Variants in TOR1AIP2 observed in about 807,000 individuals in gnomAD.
TOR1AIP2 encodes the protein torsin-1A-interacting protein 2.
TOR1AIP2 carries 20 observed loss-of-function variants against 32.6 expected under a neutral mutation model. That is an observed-to-expected ratio of 0.61 (90% CI 0.43 to 0.89). The LOEUF (loss-of-function observed/expected upper bound fraction) is 0.89. Among genes scored for constraint, TOR1AIP2 ranks in the 40% least tolerant of loss-of-function variants. TOR1AIP2 has a pLI of 0.00. For synonymous variants in TOR1AIP2, 214 were observed against 210.8 expected, an observed-to-expected ratio of 1.02 and a Z score of -0.13; for missense variants, 456 against 553.8, an observed-to-expected ratio of 0.82 and a Z score of 1.77.
chr1:179,862,001 GA>G (rs1054006740), intron 3 of TOR1AIP2: 9 of 985,200 alleles, frequency 9.1e-6, no homozygotes, highest in African/African-American at 1.7e-5. Context: ...CACCCGGCAT[GA>G]GGTGTTATTT....
At chr1:179,866,467 C>T (rs950039987) in intron 2 of TOR1AIP2, among the ~76,000 whole-genome samples, 11 of 152,176 alleles carry the variant, frequency 7.2e-5, no homozygotes, top group African/African-American at 2.4e-4. Flanking sequence ...GGCTGGAGTG[C>T]AATGGCACAA....
rs188841700 is a variant in TOR1AIP2, at chr1:179,840,623, T to A, written c.*5448A>T. The A allele has an allele frequency of 6.6e-6, 1 of 151,970 alleles. No individual in the cohort carries two copies. Among genetic ancestry groups the A allele is most frequent in the Non-Finnish European group, 1.5e-5 (1 of 68,036 alleles). The allele number at this position is 151,970 out of a possible 1,614,324, so 9.4% of individuals were successfully genotyped here. The stretch of plus-strand genomic sequence containing the variant: ...TTCTCAGGCCATTTGGATTGGCCTA[T>A]AGAGATACAGAAGTTATAGCACAGT... On this transcript the variant is annotated 3_prime_UTR_variant, in exon 7 of 7. Transcript: ENST00000609928.
intron 3 of TOR1AIP2, chr1:179,861,910 G>A: frequency 1.1e-6 from 1 of 948,206 alleles, no homozygotes; most frequent in Non-Finnish European, 1.3e-6. Context: ...ATCTTGCCCA[G>A]GCTGGTCTTG....
Position 179,846,312 on chromosome 1 carries a change from T to A in TOR1AIP2, c.1172A>T (p.Asp391Val). The A allele has an allele frequency of 6.2e-7, 1 of 1,614,192 alleles. No homozygotes were observed. The highest frequency in any genetic ancestry group is 8.5e-7 in the Non-Finnish European group (1 of 1,180,034). ...YCDHENAAFK[D>V]VALVLTVLLE... ...CAGAACAGTCAGGACCAGGGCCACATCTTTAAAGGCAGCATTCTCATGATC... is the reference window on the plus strand; with the variant it reads ...CAGAACAGTCAGGACCAGGGCCACAACTTTAAAGGCAGCATTCTCATGATC... The change falls in exon 7 of 7, where the codon GAT (aspartate) becomes GTT (valine). Residue 391 changes from aspartate (D) to valine (V), a missense_variant. By Grantham distance (152) the Asp-to-Val change is radical. Coordinates refer to ENST00000609928, the MANE Select transcript of TOR1AIP2 (RefSeq NM_001199260.2).
chr1:179,866,622 C>T (rs1347010401), intron 2 of TOR1AIP2, among the ~76,000 whole-genome samples: 1 of 152,156 alleles, frequency 6.6e-6, no homozygotes, highest in Middle Eastern at 3.2e-3. Flanking sequence ...TCAGGCTGGT[C>T]TCGAACTCCC....
chr1:179,862,076 A>G (rs1012325223), intron 3 of TOR1AIP2: 9 of 985,334 alleles, frequency 9.1e-6, no homozygotes, highest in Non-Finnish European at 1.1e-5. Context: ...AAGCAGACCA[A>G]GAAATCTCCA....
chr1:179,864,559 GATGA>G (rs1208132185), intron 3 of TOR1AIP2: 1 of 1,294,304 alleles, frequency 7.7e-7, no homozygotes, highest in African/African-American at 1.8e-5. Context: ...CCTCAGTCTA[GATGA>G]ACAGATTAGC....
intron 2 of TOR1AIP2, among the ~76,000 whole-genome samples, chr1:179,872,779 G>C (rs1442285583): frequency 6.6e-6 from 1 of 152,198 alleles, no homozygotes; most frequent in African/African-American, 2.4e-5. Flanking sequence ...AAGGATCTAA[G>C]AGTTTGCTAA....
chr1:179,849,092 C>G (rs1038623215), intron 5 of TOR1AIP2, among the ~76,000 whole-genome samples: 1 of 151,866 alleles, frequency 6.6e-6, no homozygotes, highest in African/African-American at 2.4e-5. Context: ...GCCGAGACAG[C>G]GCCACTGCAG....
rs1695722067 is a variant in TOR1AIP2 at position 179,841,704 on chromosome 1, T to C, written c.*4367A>G. ...AATAAATGATTACCCTAATCAGCTA[T>C]TATTTATTATTTTCTATTTAACATT... On this transcript the variant is annotated 3_prime_UTR_variant, in exon 7 of 7. Transcript: ENST00000609928. 6.6e-6 allele frequency: 1 copy of C among 152,262 alleles called. No individual in the cohort carries two copies. The highest frequency in any genetic ancestry group is 1.5e-5 in the Non-Finnish European group (1 of 68,046). 9.4% of individuals were successfully genotyped at this position (152,262 alleles called of 1,614,324 possible).
chr1:179,867,381 A>T (rs2148452168), intron 2 of TOR1AIP2: 1 of 152,338 alleles, frequency 6.6e-6, no homozygotes, highest in South Asian at 2.1e-4. Context: ...TGCTGATAGC[A>T]CAGGGCATAA....
chr1:179,867,139 C>T (rs145962584), intron 2 of TOR1AIP2, among the ~76,000 whole-genome samples: 3,084 of 152,242 alleles, frequency 0.02, 53 homozygotes, highest in Non-Finnish European at 0.024. Flanking sequence ...CTGTGATTCT[C>T]AGATTTTAAA....
chr1:179,854,268 T>C (rs1032729108), intron 3 of TOR1AIP2, among the ~76,000 whole-genome samples: 1 of 152,212 alleles, frequency 6.6e-6, no homozygotes, highest in South Asian at 2.1e-4. Context: ...GCTGTTTCTT[T>C]AAAACACAAC....
At chr1:179,863,979 G>C (rs1275503206) in intron 3 of TOR1AIP2, 2 of 985,248 alleles carry the variant, frequency 2.0e-6, no homozygotes, top group Non-Finnish European at 1.2e-6. Context: ...ATGAAGTCAG[G>C]CTTGATAATT....
At chr1:179,860,821 G>A (rs1332140060) in intron 3 of TOR1AIP2, 6 of 985,318 alleles carry the variant, frequency 6.1e-6, no homozygotes, top group Non-Finnish European at 3.6e-6. Flanking sequence ...GAGACTCAGG[G>A]TTGCCAGGGA....
intron 5 of TOR1AIP2, among the ~76,000 whole-genome samples, chr1:179,848,722 T>C (rs769680574): frequency 3.9e-5 from 6 of 152,152 alleles, no homozygotes; most frequent in Non-Finnish European, 7.3e-5. Context: ...AAATATCATA[T>C]CATAGAATCT....
intron 3 of TOR1AIP2, among the ~76,000 whole-genome samples, chr1:179,858,199 A>G (rs1184443627): frequency 6.6e-6 from 1 of 152,124 alleles, no homozygotes; most frequent in Non-Finnish European, 1.5e-5. Context: ...ATGTTTGTGT[A>G]TGTATATATA....
Position 179,846,214 on chromosome 1 carries a change from C to T in TOR1AIP2, c.1270G>A (p.Ala424Thr). Reference protein sequence around the residue: ...TEEKVRDLLWAKFTNSDTPTS... With the variant: ...TEEKVRDLLWTKFTNSDTPTS... ...GGAGTGTCAGAGTTGGTAAACTTGG[C>T]CCAGAGTAAGTCTCTCACTTTTTCT... Residue 424 changes from alanine (A) to threonine (T), a missense_variant, in exon 7 of 7, where the codon GCC (alanine) becomes ACC (threonine). By Grantham distance (58) the Ala-to-Thr change is moderately conservative. Coordinates refer to ENST00000609928, the MANE Select transcript of TOR1AIP2 (RefSeq NM_001199260.2). 2 of 1,614,184 alleles carry T rather than the reference C, an allele frequency of 1.2e-6. No individual in the cohort carries two copies. Among genetic ancestry groups the T allele is most frequent in the Non-Finnish European group, 1.7e-6 (2 of 1,180,048 alleles).
At chr1:179,847,016 A>ATTTAAT (rs1465844290) in intron 6 of TOR1AIP2, among the ~76,000 whole-genome samples, 188 bp from the exon 7 acceptor site, 18 of 152,246 alleles carry the variant, frequency 1.2e-4, no homozygotes, top group Admixed American at 1.0e-3. Context: ...CTCAGATTTA[A>ATTTAAT]TTATTTGAAG....
Sources: gnomAD v4.1 joint callset for allele counts (sites outside exome capture counted in the v4.1 genomes callset) on GRCh38, gnomAD v4.1.1 for gene constraint, MANE v1.5 for transcripts, NCBI Gene and HGNC (gene_info 2026-07-23, HGNC 2026-07-21) for gene names.